The following CEP152 variants were observed in gnomAD, a reference collection of about 807,000 sequenced individuals.
CEP152 encodes the protein centrosomal protein of 152 kDa.
In CEP152, 132 loss-of-function variants were observed where a neutral mutation model predicts 188.9. The ratio of observed to expected loss-of-function variants is 0.70; its 90% CI spans 0.61 to 0.81. CEP152 has a LOEUF of 0.81. Among genes scored for constraint, CEP152 ranks in the 30% least tolerant of loss-of-function variants. The pLI, the probability that CEP152 is intolerant of heterozygous loss-of-function variation, is 0.00. For synonymous variants in CEP152, 649 were observed against 666.6 expected, an observed-to-expected ratio of 0.97 and a Z score of 0.41; for missense variants, 1,914 against 1,969.8, an observed-to-expected ratio of 0.97 and a Z score of 0.54.
Position 48,782,222 on chromosome 15 carries a change from G to A in CEP152, c.1330C>T (p.Gln444Ter), listed in dbSNP as rs201577437. ...CAHLLQSGSVQEVAQLQFQLQ... is the reference protein window; with the variant it reads ...CAHLLQSGSV Reference sequence around the variant, plus strand: ...TGGAACTGTAGCTGAGCCACCTCTTGTACTGACCCTGCAGAGGAAAGAACC... The same window carrying A: ...TGGAACTGTAGCTGAGCCACCTCTTATACTGACCCTGCAGAGGAAAGAACC... Residue 444 changes from glutamine (Q) to a stop codon, truncating the protein, a stop_gained, in exon 11 of 27, where the codon CAA becomes TAA. Coordinates refer to ENST00000380950, the MANE Select transcript of CEP152 (RefSeq NM_001194998.2). LOFTEE classifies it high-confidence loss of function. The A allele has an allele frequency of 1.9e-6, 3 of 1,613,736 alleles. No individual in the cohort carries two copies. In the Admixed American group the frequency reaches 5.0e-5, roughly 27 times the overall value.
intron 7 of CEP152, 74 bp from the exon 8 acceptor site, chr15:48,791,450 T>A: frequency 7.8e-7 from 1 of 1,280,572 alleles, no homozygotes; most frequent in Non-Finnish European, 1.1e-6. Flanking sequence ...CAATCAGATG[T>A]CACGTCTGTA....
Position 48,738,172 on chromosome 15 carries a change from C to T in CEP152, c.*77G>A. On this transcript the variant is annotated 3_prime_UTR_variant, in exon 27 of 27. Transcript: ENST00000380950. ...AACATCTCAAAAGAGGCAGGGCTCACAATTTTTTTCAGTATGAGGTCTTCC... is the reference window on the plus strand; with the variant it reads ...AACATCTCAAAAGAGGCAGGGCTCATAATTTTTTTCAGTATGAGGTCTTCC... The T allele has an allele frequency of 6.9e-7, 1 of 1,448,334 alleles. No individual in the cohort carries two copies. Among genetic ancestry groups the T allele is most frequent in the Non-Finnish European group, 9.2e-7 (1 of 1,086,214 alleles). The allele number at this position is 1,448,334 out of a possible 1,614,324, so 89.7% of individuals were successfully genotyped here.
downstream of CEP152, among the ~76,000 whole-genome samples, chr15:48,733,153 G>A (rs1302063180): frequency 6.6e-6 from 1 of 151,988 alleles, no homozygotes. Flanking sequence ...AGTATAGTAG[G>A]GTAACTATAG....
intron 17 of CEP152, among the ~76,000 whole-genome samples, chr15:48,763,781 C>A (rs1894867747): frequency 6.6e-6 from 1 of 152,154 alleles, no homozygotes; most frequent in Non-Finnish European, 1.5e-5. Context: ...TGCTAGGGAA[C>A]TATTAGCATT....
At chr15:48,772,398 G>C in intron 13 of CEP152, 89 bp downstream of exon 13, 1 of 1,074,140 alleles carries the variant, frequency 9.3e-7, no homozygotes, top group South Asian at 1.3e-5. Context: ...AAGACAGAGT[G>C]ACGCCCTGTC....
Position 48,762,989 on chromosome 15 carries a change from TA to T in CEP152, c.2281-318del, listed in dbSNP as rs11424282. 3.0e-3 allele frequency among the ~76,000 whole-genome samples: 436 copies of T among 147,296 alleles called. 1 individual carries two copies. The highest frequency in any genetic ancestry group is 8.9e-3 in the African/African-American group (363 of 40,682). ...TTGCCACTACAAAGATGGCAGGATTTAAAAAAAAAAAAATTACAGTTAATGT... is the reference window on the plus strand; with the variant it reads ...TTGCCACTACAAAGATGGCAGGATTTAAAAAAAAAAAATTACAGTTAATGT... On this transcript the variant is annotated intron_variant, in intron 17 of 26. Coordinates refer to ENST00000380950, the MANE Select transcript of CEP152 (RefSeq NM_001194998.2).
intron 13 of CEP152, among the ~76,000 whole-genome samples, chr15:48,770,108 T>G (rs1895417743): frequency 6.6e-6 from 1 of 152,226 alleles, no homozygotes; most frequent in Non-Finnish European, 1.5e-5. Context: ...TTATCTACTT[T>G]TCTTTTTATT....
At chr15:48,793,850 A>AAATAAAGT (rs1897137485) in intron 6 of CEP152, among the ~76,000 whole-genome samples, 1 of 152,254 alleles carries the variant, frequency 6.6e-6, no homozygotes, top group Middle Eastern at 3.2e-3. Flanking sequence ...AACTGCAATG[A>AAATAAAGT]AATAAAGTAA....
Position 48,765,636 on chromosome 15 carries a change from A to ATTTTTTTTTT in CEP152, c.2280+1414_2280+1423dup, listed in dbSNP as rs34837739. On this transcript the variant is annotated intron_variant, in intron 17 of 26. Coordinates refer to ENST00000380950, the MANE Select transcript of CEP152 (RefSeq NM_001194998.2). ...GAAAATTCCTCTTATGTTCTTGCCAATTTTTTTTTTTTTTTTTTTTTTTTT... is the reference window on the plus strand; with the variant it reads ...GAAAATTCCTCTTATGTTCTTGCCAATTTTTTTTTTTTTTTTTTTTTTTTTTTTTTTTTTT... 121 of 189,464 alleles carry ATTTTTTTTTT rather than the reference A, an allele frequency of 6.4e-4. 1 individual carries two copies. Among genetic ancestry groups the ATTTTTTTTTT allele is most frequent in the Admixed American group, 1.4e-3 (12 of 8,846 alleles). The allele number at this position is 189,464 out of a possible 1,614,324, so 11.7% of individuals were successfully genotyped here. A position where few individuals can be genotyped will look rare whatever the true frequency, so the allele number is the denominator to read the frequency against.
chr15:48,777,129 T>TA (rs1895967803), intron 12 of CEP152, among the ~76,000 whole-genome samples: 1 of 151,918 alleles, frequency 6.6e-6, no homozygotes, highest in South Asian at 2.1e-4. Context: ...CCCCTAAATG[T>TA]AATGGGGTAG....
At position 48,767,197 on chromosome 15, in the gene CEP152, G is replaced by C. The variant is rs1215130028; in HGVS notation, c.2148-5C>G. On this transcript the variant is annotated splice_region_variant and splice_polypyrimidine_tract_variant and intron_variant, in intron 16 of 26. Coordinates refer to ENST00000380950, the MANE Select transcript of CEP152 (RefSeq NM_001194998.2). ...TTCAACTTATCCAACTCAGACCTTG[G>C]ATACACAAAACCAGCAACTAAATGA... The C allele has an allele frequency of 3.1e-6, 5 of 1,613,608 alleles. No individual in the cohort carries two copies. The highest frequency in any genetic ancestry group is 4.2e-6 in the Non-Finnish European group (5 of 1,180,008).
chr15:48,771,446 G>T (rs1895527663), intron 13 of CEP152, among the ~76,000 whole-genome samples: 1 of 152,118 alleles, frequency 6.6e-6, no homozygotes, highest in African/African-American at 2.4e-5. Flanking sequence ...GACTTTTGTT[G>T]TAAGAACATG....
intron 21 of CEP152, among the ~76,000 whole-genome samples, chr15:48,751,215 T>C (rs1893852711): frequency 6.6e-6 from 1 of 152,166 alleles, no homozygotes; most frequent in African/African-American, 2.4e-5. Flanking sequence ...AAAAATATTT[T>C]TATAGTCTGA....
chr15:48,768,370 C>G, intron 14 of CEP152, 42 bp from the exon 15 acceptor site: 1 of 1,060,324 alleles, frequency 9.4e-7, no homozygotes, highest in Non-Finnish European at 1.5e-6. Flanking sequence ...AGAAAATAAA[C>G]ATCATTTTCA....
chr15:48,736,033 A>C (rs889396706), downstream of CEP152, among the ~76,000 whole-genome samples: 1 of 152,210 alleles, frequency 6.6e-6, no homozygotes, highest in Non-Finnish European at 1.5e-5. Context: ...CAAATTAGAC[A>C]ATTTAGATAA....
At chr15:48,752,621 A>G (rs1893960801) in intron 20 of CEP152, 152 bp from the exon 21 acceptor site, 1 of 1,352,606 alleles carries the variant, frequency 7.4e-7, no homozygotes, top group South Asian at 1.5e-5. Context: ...TTAGGGTGTT[A>G]TATAAGTACT....
chr15:48,733,150 T>G (rs559145027), downstream of CEP152, among the ~76,000 whole-genome samples: 7 of 152,198 alleles, frequency 4.6e-5, no homozygotes, highest in African/African-American at 1.7e-4. Flanking sequence ...TCTAGTATAG[T>G]AGGGTAACTA....
intron 9 of CEP152, among the ~76,000 whole-genome samples, chr15:48,784,354 G>A (rs545983345): frequency 1.3e-5 from 2 of 152,198 alleles, no homozygotes; most frequent in South Asian, 4.2e-4. Flanking sequence ...TGAATTAGGT[G>A]CCTTCTAAAG....
intron 26 of CEP152, chr15:48,741,118 A>C (rs16961518): frequency 0.13 from 124,363 of 989,658 alleles, 9,839 homozygotes; most frequent in East Asian, 0.37. Context: ...CTTCTGGTCT[A>C]TCCACTGCAA....
Sources: allele counts gnomAD v4.1 joint callset (sites outside exome capture counted in the v4.1 genomes callset), GRCh38; gene constraint gnomAD v4.1.1; transcripts MANE v1.5; gene names NCBI Gene and HGNC (gene_info 2026-07-23, HGNC 2026-07-21).